Variants in CNNM2 observed in about 807,000 individuals in gnomAD.
CNNM2 encodes the protein cyclin and CBS domain divalent metal cation transport mediator 2.
CNNM2 carries 12 observed loss-of-function variants against 66.9 expected under a neutral mutation model. That is an observed-to-expected ratio of 0.18 (90% CI 0.11 to 0.29). The LOEUF is 0.29. CNNM2 is among the 10% of genes least tolerant of loss of function. The probability of loss-of-function intolerance (pLI) is 1.00; values close to 1 mark genes in which losing one functional copy is unlikely to be tolerated. For missense variants in CNNM2, 705 were observed against 1,167.7 expected (o/e 0.60, Z 5.77); for synonymous variants, 557 against 501.8 (o/e 1.11, Z -1.47).
chr10:103,032,959 G>T (rs2064857970), intron 1 of CNNM2, among the ~76,000 whole-genome samples: 1 of 151,138 alleles, frequency 6.6e-6, no homozygotes, highest in Admixed American at 6.6e-5. Flanking sequence ...CACTACAAAA[G>T]ATACAAAAAT....
intron 5 of CNNM2, among the ~76,000 whole-genome samples, chr10:103,069,998 T>C (rs953575916): frequency 3.9e-5 from 6 of 152,240 alleles, no homozygotes; most frequent in South Asian, 2.1e-4. Flanking sequence ...CCAAAGATGT[T>C]TCAGTTAGAA....
At chr10:102,963,815 T>A (rs2063419515) in intron 1 of CNNM2, among the ~76,000 whole-genome samples, 1 of 152,216 alleles carries the variant, frequency 6.6e-6, no homozygotes, top group Non-Finnish European at 1.5e-5. Flanking sequence ...ACAGAAATAG[T>A]TTTTAATACA....
rs949133702 is a variant in CNNM2 at position 102,922,746 on chromosome 10, GC to G, written c.1621+2647del. Among the ~76,000 whole-genome samples the G allele has an allele frequency of 3.0e-4, 46 of 152,200 alleles. No individual in the cohort carries two copies. In the Middle Eastern group the frequency reaches 0.01, roughly 34 times the overall value. ...GCTTGAGCCCAAGAGTTTGAGACTA[GC>G]CTGGGCTACCTGGTGACACCCCGTG... is the stretch of plus-strand genomic sequence containing the variant. On this transcript the variant is annotated intron_variant, in intron 1 of 7. Coordinates refer to ENST00000369878, the MANE Select transcript of CNNM2 (RefSeq NM_017649.5).
chr10:102,935,699 T>C (rs1190594840), intron 1 of CNNM2, among the ~76,000 whole-genome samples: 1 of 147,350 alleles, frequency 6.8e-6, no homozygotes, highest in Admixed American at 6.8e-5. Flanking sequence ...CCTGGTTGAC[T>C]AGCAGCGCTC....
At chr10:102,991,267 T>C (rs1049014927) in intron 1 of CNNM2, among the ~76,000 whole-genome samples, 1 of 152,148 alleles carries the variant, frequency 6.6e-6, no homozygotes, top group Non-Finnish European at 1.5e-5. Flanking sequence ...GGATTACGGA[T>C]GTGACTCGCC....
At chr10:103,031,733 A>T (rs1016531789) in intron 1 of CNNM2, among the ~76,000 whole-genome samples, 1 of 152,162 alleles carries the variant, frequency 6.6e-6, no homozygotes, top group African/African-American at 2.4e-5. Context: ...AAGAAAATTT[A>T]AGGATCTGAT....
intron 1 of CNNM2, among the ~76,000 whole-genome samples, chr10:103,037,435 A>G (rs933041775): frequency 6.6e-6 from 1 of 151,922 alleles, no homozygotes; most frequent in Admixed American, 6.6e-5. Flanking sequence ...GCTACTCAAT[A>G]TGTATTTGAG....
rs115105159 is a variant in CNNM2 at position 103,057,826 on chromosome 10, C to A, written c.2073+862C>A. On this transcript the variant is annotated intron_variant, in intron 4 of 7. Transcript: ENST00000369878. Reference sequence around the variant, plus strand: ...CTTACAGCAGAGTAGCTAATTCCTTCTCACTGTAACATAATTCAGTAGATG... The same window carrying A: ...CTTACAGCAGAGTAGCTAATTCCTTATCACTGTAACATAATTCAGTAGATG... 2.4e-3 allele frequency among the ~76,000 whole-genome samples: 369 copies of A among 152,326 alleles called. 1 individual carries two copies. The highest frequency in any genetic ancestry group is 8.5e-3 in the African/African-American group (354 of 41,574).
chr10:103,015,633 C>T (rs2064429912), intron 1 of CNNM2, among the ~76,000 whole-genome samples: 1 of 152,042 alleles, frequency 6.6e-6, no homozygotes, highest in South Asian at 2.1e-4. Context: ...GAGGGTGGAT[C>T]ACTTGACATC....
intron 1 of CNNM2, among the ~76,000 whole-genome samples, chr10:102,959,263 T>C (rs545602472): frequency 6.6e-6 from 1 of 152,290 alleles, no homozygotes; most frequent in African/African-American, 2.4e-5. Context: ...CATTTACCCA[T>C]ATAACTACAC....
intron 1 of CNNM2, among the ~76,000 whole-genome samples, chr10:103,007,021 GTTCT>G (rs2064242285): frequency 6.6e-6 from 1 of 151,964 alleles, no homozygotes; most frequent in African/African-American, 2.4e-5. Flanking sequence ...TTCAACGTAG[GTTCT>G]TTCTATTTTC....
chr10:103,073,868 C>CAA lies in CNNM2; in HGVS notation c.2233+2054_2233+2055dup, dbSNP rs61331007. The stretch of plus-strand genomic sequence containing the variant: ...TGGGCGACAGAGCGAGACTCCGTCT[C>CAA]AAAAAAAAAAAAAAAAAAAAAAAAA... On this transcript the variant is annotated intron_variant, in intron 6 of 7. Transcript: ENST00000369878. Among the ~76,000 whole-genome samples the CAA allele has an allele frequency of 3.5e-3, 248 of 70,234 alleles. 9 individuals are homozygous for CAA. The highest frequency in any genetic ancestry group is 0.014 in the Middle Eastern group (1 of 70). The allele number at this position is 70,234 out of a possible 152,430, so 46.1% of individuals were successfully genotyped here. A position where few individuals can be genotyped will look rare whatever the true frequency, so the allele number is the denominator to read the frequency against.
At chr10:102,981,656 G>A (rs766430650) in intron 1 of CNNM2, among the ~76,000 whole-genome samples, 2 of 151,826 alleles carry the variant, frequency 1.3e-5, no homozygotes, top group Non-Finnish European at 1.5e-5. Flanking sequence ...GCCTCCCAAC[G>A]TGCTGGGATT....
intron 1 of CNNM2, among the ~76,000 whole-genome samples, chr10:102,950,381 A>G (rs1846781949): frequency 6.6e-6 from 1 of 152,224 alleles, no homozygotes; most frequent in Non-Finnish European, 1.5e-5. Flanking sequence ...ACAGAGTCTT[A>G]CCATATTTTT....
rs893373835 is a variant in CNNM2 at position 103,089,684 on chromosome 10, C to T, written c.*12504C>T. On this transcript the variant is annotated 3_prime_UTR_variant, in exon 8 of 8. Coordinates refer to ENST00000369878, the MANE Select transcript of CNNM2 (RefSeq NM_017649.5). ...TTGGTTTTCCTCCTTATTCTTCCTC[C>T]TCCTCCTCCTCTTCATCATCATCTT... 2.5e-6 allele frequency: 4 copies of T among 1,603,194 alleles called. No individual in the cohort carries two copies. The highest frequency in any genetic ancestry group is 3.4e-6 in the Non-Finnish European group (4 of 1,174,528).
At chr10:102,925,182 A>G (rs1444988245) in intron 1 of CNNM2, among the ~76,000 whole-genome samples, 2 of 151,102 alleles carry the variant, frequency 1.3e-5, no homozygotes, top group African/African-American at 4.9e-5. Context: ...TGTAATCCCA[A>G]CTACTCGGGA....
At chr10:102,945,388 C>A (rs1846579720) in intron 1 of CNNM2, among the ~76,000 whole-genome samples, 1 of 152,042 alleles carries the variant, frequency 6.6e-6, no homozygotes, top group Admixed American at 6.6e-5. Flanking sequence ...CTCTTAGTGA[C>A]CCCTAACCAA....
intron 1 of CNNM2, among the ~76,000 whole-genome samples, chr10:102,926,711 A>C (rs546798730): frequency 2.0e-3 from 192 of 96,536 alleles, no homozygotes; most frequent in African/African-American, 6.9e-3. Flanking sequence ...ACACCCAGCT[A>C]ATTTTTTTTT....
At chr10:102,995,153 C>CCTT (rs2134247095) in intron 1 of CNNM2, among the ~76,000 whole-genome samples, 1 of 30,964 alleles carries the variant, frequency 3.2e-5, no homozygotes, top group Non-Finnish European at 7.1e-5. Context: ...TTCCTCCTCC[C>CCTT]CCTCTTCCTC....
Sources: allele counts gnomAD v4.1 joint callset (sites outside exome capture counted in the v4.1 genomes callset), GRCh38; gene constraint gnomAD v4.1.1; transcripts MANE v1.5; gene names NCBI Gene and HGNC (gene_info 2026-07-23, HGNC 2026-07-21).